The following ARHGEF3 variants were observed in gnomAD, a reference collection of about 807,000 sequenced individuals.
ARHGEF3 encodes the protein Rho guanine nucleotide exchange factor 3, also known as 59.8 kDA protein.
Under a neutral mutation model 63.2 loss-of-function variants are expected in ARHGEF3, and 28 were observed. The ratio of observed to expected loss-of-function variants is 0.44; its 90% CI spans 0.33 to 0.61. The LOEUF (loss-of-function observed/expected upper bound fraction) is 0.61. Among genes scored for constraint, ARHGEF3 ranks in the 20% least tolerant of loss-of-function variants. The pLI, the probability that ARHGEF3 is intolerant of heterozygous loss-of-function variation, is 0.03. For missense variants in ARHGEF3, 533 were observed against 659.3 expected (o/e 0.81, Z 2.10); for synonymous variants, 266 against 254.2 (o/e 1.05, Z -0.44).
intron 3 of ARHGEF3, among the ~76,000 whole-genome samples, chr3:56,898,828 G>A (rs930664837): frequency 1.3e-5 from 2 of 152,032 alleles, no homozygotes; most frequent in Non-Finnish European, 1.5e-5. Context: ...AGGCCAAGGC[G>A]GGCAGATCAC....
At chr3:56,820,470 G>A (rs977219875) in intron 4 of ARHGEF3, among the ~76,000 whole-genome samples, 1 of 152,120 alleles carries the variant, frequency 6.6e-6, no homozygotes, top group African/African-American at 2.4e-5. Flanking sequence ...GTAAAAAAAA[G>A]GGGGGGACAG....
intron 4 of ARHGEF3, among the ~76,000 whole-genome samples, chr3:56,838,503 A>G (rs2039197327): frequency 6.6e-6 from 1 of 152,238 alleles, no homozygotes; most frequent in African/African-American, 2.4e-5. Context: ...TACACACAGT[A>G]ATGTTCTCCA....
rs143800315 is a variant in ARHGEF3, at chr3:56,895,990, A to G, written c.130-13636T>C. ...CCTCAGCATGAGGGCCTGCAGGCAC[A>G]GGGGGCTGGCAGATCCTGCAGAGCT... On this transcript the variant is annotated intron_variant, in intron 3 of 12. Transcript: ENST00000338458. Among the ~76,000 whole-genome samples, 1,358 of 152,268 alleles carry G rather than the reference A, an allele frequency of 8.9e-3. 22 individuals are homozygous for G. Among genetic ancestry groups the G allele is most frequent in the African/African-American group, 0.031 (1,282 of 41,550 alleles).
At chr3:57,076,824 A>C (rs1026533814) in intron 1 of ARHGEF3, 3 of 152,282 alleles carry the variant, frequency 2.0e-5, no homozygotes, top group Non-Finnish European at 2.9e-5. Context: ...AGGAGTCAGT[A>C]GTCAACAGGA....
chr3:56,921,799 G>T (rs2042149853), intron 3 of ARHGEF3, among the ~76,000 whole-genome samples: 1 of 152,164 alleles, frequency 6.6e-6, no homozygotes, highest in Non-Finnish European at 1.5e-5. Flanking sequence ...AGAAGAATGT[G>T]GGAGCAGACC....
At chr3:56,802,924 G>C (rs1465454565), upstream of ARHGEF3, among the ~76,000 whole-genome samples, 2 of 152,162 alleles carry the variant, frequency 1.3e-5, no homozygotes, top group African/African-American at 2.4e-5. Context: ...CAGTGAAAAA[G>C]GAGATGGGTC....
At chr3:56,830,616 C>G (rs2038900294) in intron 4 of ARHGEF3, among the ~76,000 whole-genome samples, 1 of 152,196 alleles carries the variant, frequency 6.6e-6, no homozygotes, top group South Asian at 2.1e-4. Flanking sequence ...TTCCACTGCA[C>G]AAATCCCAAT....
intron 2 of ARHGEF3, among the ~76,000 whole-genome samples, chr3:56,976,166 C>A (rs999533643): frequency 6.6e-6 from 1 of 151,922 alleles, no homozygotes; most frequent in Non-Finnish European, 1.5e-5. Flanking sequence ...CTCAGCCTCC[C>A]GAGTACCTGG....
chr3:57,059,132 A>G (rs1705081584), intron 1 of ARHGEF3, among the ~76,000 whole-genome samples: 1 of 152,168 alleles, frequency 6.6e-6, no homozygotes, highest in Non-Finnish European at 1.5e-5. Flanking sequence ...CCTAAAACTT[A>G]AAGTATAATA....
chr3:56,897,424 C>G (rs895884260), intron 3 of ARHGEF3, among the ~76,000 whole-genome samples: 1 of 152,182 alleles, frequency 6.6e-6, no homozygotes, highest in African/African-American at 2.4e-5. Context: ...AAGCCAAGAT[C>G]TGGGCACTAG....
intron 3 of ARHGEF3, among the ~76,000 whole-genome samples, chr3:56,933,769 T>C (rs1350554437): frequency 9.9e-5 from 15 of 152,154 alleles, no homozygotes; most frequent in Non-Finnish European, 1.5e-5. Context: ...CTAGAAATGT[T>C]TGGGGATTGA....
At chr3:56,783,450 A>T (rs1483410859) in intron 1 of ARHGEF3, among the ~76,000 whole-genome samples, 1 of 152,170 alleles carries the variant, frequency 6.6e-6, no homozygotes, top group Non-Finnish European at 1.5e-5. Flanking sequence ...ATGGCATACC[A>T]TTTTGTTTCT....
intron 7 of ARHGEF3, 132 bp from the exon 8 acceptor site, chr3:56,737,487 G>A: frequency 3.4e-6 from 2 of 582,124 alleles, no homozygotes; most frequent in African/African-American, 3.1e-5. Context: ...TGCTACTTTG[G>A]GAAAAGAGAA....
intron 7 of ARHGEF3, among the ~76,000 whole-genome samples, chr3:56,740,470 AT>A (rs2033942886): frequency 1.3e-5 from 2 of 152,336 alleles, no homozygotes; most frequent in South Asian, 4.1e-4. Flanking sequence ...TCAAAAATGA[AT>A]GATTATTCAC....
intron 2 of ARHGEF3, among the ~76,000 whole-genome samples, chr3:57,004,554 A>G (rs141149792): frequency 6.6e-6 from 1 of 152,340 alleles, no homozygotes; most frequent in East Asian, 1.9e-4. Flanking sequence ...AGCATCTTCA[A>G]TCTACAGATC....
chr3:57,024,138 G>A (rs1703373053), intron 2 of ARHGEF3, among the ~76,000 whole-genome samples: 1 of 151,832 alleles, frequency 6.6e-6, no homozygotes, highest in Admixed American at 6.6e-5. Context: ...ACAGCACTCG[G>A]GAACCCACCA....
At chr3:56,781,592 C>A (rs2171856) in intron 1 of ARHGEF3, among the ~76,000 whole-genome samples, 97,849 of 151,998 alleles carry the variant, frequency 0.64, 32,222 homozygotes, top group East Asian at 0.93. Flanking sequence ...ATAAGACAAA[C>A]ATTTTTTGTT....
At position 56,755,401 on chromosome 3, in the gene ARHGEF3, G is replaced by A. The variant is rs2035010644; in HGVS notation, c.205-250C>T. Among the ~76,000 whole-genome samples the A allele has an allele frequency of 2.6e-5, 4 of 152,292 alleles. No individual in the cohort carries two copies. In the South Asian group the frequency reaches 8.3e-4, roughly 32 times the overall value. Reference sequence around the variant, plus strand: ...ACCTGGATACCAAGTGGACTATAGTGCAAGCACATATCAGGCCAAACTCAC... The same window carrying A: ...ACCTGGATACCAAGTGGACTATAGTACAAGCACATATCAGGCCAAACTCAC... On this transcript the variant is annotated intron_variant, in intron 2 of 9. Transcript: ENST00000296315.
At chr3:56,733,058 C>A (rs1044245099) in intron 8 of ARHGEF3, among the ~76,000 whole-genome samples, 1 of 149,396 alleles carries the variant, frequency 6.7e-6, no homozygotes, top group African/African-American at 2.5e-5. Flanking sequence ...CTGAGGCGGG[C>A]GGATCACCAG....
Sources: gnomAD v4.1 joint callset for allele counts (sites outside exome capture counted in the v4.1 genomes callset) on GRCh38, gnomAD v4.1.1 for gene constraint, MANE v1.5 for transcripts, NCBI Gene and HGNC (gene_info 2026-07-23, HGNC 2026-07-21) for gene names.